CTSD: variants seen among roughly 807,000 people sequenced by gnomAD.
CTSD encodes the protein ceroid-lipofuscinosis, neuronal 10.
A neutral mutation model predicts 43.6 loss-of-function variants in CTSD; 28 were observed. The observed-to-expected ratio is 0.64, with a 90% CI of 0.48 to 0.88. The LOEUF (loss-of-function observed/expected upper bound fraction) is 0.88. CTSD is among the 40% of genes least tolerant of loss of function. The probability of loss-of-function intolerance (pLI) is 0.00; values close to 1 mark genes in which losing one functional copy is unlikely to be tolerated. For synonymous variants in CTSD, 270 were observed against 249.8 expected (o/e 1.08, Z -0.76); for missense variants, 485 against 555.2 (o/e 0.87, Z 1.27).
chr11:1,753,637 C>G lies in CTSD; in HGVS notation c.1105G>C (p.Gly369Arg), dbSNP rs1845755979. 1 of 1,612,960 alleles carries G rather than the reference C, an allele frequency of 6.2e-7. No homozygotes were observed. The highest frequency in any genetic ancestry group is 1.3e-5 in the African/African-American group (1 of 75,006). The change falls in exon 9 of 9, where the codon GGC becomes CGC. Residue 369 changes from glycine to arginine, a missense_variant. Physicochemically the swap from Gly to Arg is moderately radical, Grantham distance 125. Transcript: ENST00000236671. The part of the protein sequence containing the change: ...SQAGKTLCLS[G>R]FMGMDIPPPS... ...GGCGGGATGTCCATGCCCATGAAGC[C>G]GCTCAGGCAGAGGGTCTTCCCGGCC...
rs530324803 is a variant in CTSD at position 1,763,912 on chromosome 11, G to A, written c.-53C>T. 517 of 1,462,432 alleles carry A rather than the reference G, an allele frequency of 3.5e-4. 4 individuals are homozygous for A. The South Asian group carries it at 6.0e-3, about 17-fold the overall frequency. The allele number at this position is 1,462,432 out of a possible 1,614,324, so 90.6% of individuals were successfully genotyped here. A position where few individuals can be genotyped will look rare whatever the true frequency, so the allele number is the denominator to read the frequency against. On this transcript the variant is annotated 5_prime_UTR_variant, in exon 1 of 9. Transcript: ENST00000236671. ...CGCCGAGGCCGTGCGCTTATAGCCGGGATGACGCCGCAGTTGGGCCGGATC... is the reference window on the plus strand; with the variant it reads ...CGCCGAGGCCGTGCGCTTATAGCCGAGATGACGCCGCAGTTGGGCCGGATC...
chr11:1,753,401 C>T lies in CTSD; in HGVS notation c.*102G>A, dbSNP rs964859766. On this transcript the variant is annotated 3_prime_UTR_variant, in exon 9 of 9. Coordinates refer to ENST00000236671, the MANE Select transcript of CTSD (RefSeq NM_001909.5). ...CTTCCAGGGCGCCCAGGACAGTGGG[C>T]GGGCGAGTGTGTGGGTGTGTGTGGG... 39 of 1,419,504 alleles carry T rather than the reference C, an allele frequency of 2.7e-5. No homozygotes were observed. Among genetic ancestry groups the T allele is most frequent in the Non-Finnish European group, 3.4e-5 (34 of 1,008,350 alleles). 87.9% of individuals were successfully genotyped at this position (1,419,504 alleles called of 1,614,324 possible).
At chr11:1,755,053 C>T (rs1845793501) in intron 5 of CTSD, 25 bp from the exon 6 acceptor site, 20 of 1,613,234 alleles carry the variant, frequency 1.2e-5, no homozygotes, top group Non-Finnish European at 1.7e-5. Context: ...GAGGAGTCAG[C>T]TGCCACGCCA....
At chr11:1,756,691 G>A (rs1252900427) in intron 5 of CTSD, among the ~76,000 whole-genome samples, 2 of 151,388 alleles carry the variant, frequency 1.3e-5, no homozygotes. Flanking sequence ...TGAGTCCGAC[G>A]TCCCCTTCCC....
In CTSD at chr11:1,753,682, C is replaced by T; in HGVS notation, c.1072-12G>A. 6 of 1,612,538 alleles carry T rather than the reference C, an allele frequency of 3.7e-6. No homozygotes were observed. Among genetic ancestry groups the T allele is most frequent in the South Asian group, 1.1e-5 (1 of 91,064 alleles). ...CCGGCCTGCGACACCTGGGACGGCC[C>T]TGGTGGTCAGTACCCAGGCCTAGCA... is the stretch of plus-strand genomic sequence containing the variant. On this transcript the variant is annotated splice_polypyrimidine_tract_variant and intron_variant, in intron 8 of 8. Transcript: ENST00000236671.
intron 5 of CTSD, 101 bp from the exon 6 acceptor site, chr11:1,755,129 C>T (rs1845794695): frequency 3.5e-6 from 5 of 1,423,574 alleles, no homozygotes; most frequent in African/African-American, 1.4e-5. Context: ...GGAGAGCTTC[C>T]TGAAGGAGGG....
At chr11:1,757,047 G>A (rs1271139248) in intron 5 of CTSD, among the ~76,000 whole-genome samples, 2 of 152,218 alleles carry the variant, frequency 1.3e-5, no homozygotes, top group Non-Finnish European at 2.9e-5. Context: ...ATTCTCATAG[G>A]AGGGAGGCCC....
chr11:1,763,695 G>T, intron 1 of CTSD, 97 bp downstream of exon 1: 3 of 1,187,890 alleles, frequency 2.5e-6, no homozygotes, highest in Middle Eastern at 2.8e-4. Flanking sequence ...CAAGGGGCTC[G>T]TGGGGGCCAC....
rs1845915883 is a variant in CTSD, at chr11:1,763,918, C to T, written c.-59G>A. 40 of 1,442,744 alleles carry T rather than the reference C, an allele frequency of 2.8e-5. No individual in the cohort carries two copies. The South Asian group carries it at 4.8e-4, about 17-fold the overall frequency. 89.4% of individuals were successfully genotyped at this position (1,442,744 alleles called of 1,614,324 possible). ...GGCCGTGCGCTTATAGCCGGGATGA[C>T]GCCGCAGTTGGGCCGGATCAGCTGA... On this transcript the variant is annotated 5_prime_UTR_variant, in exon 1 of 9. Transcript: ENST00000236671.
intron 2 of CTSD, 67 bp downstream of exon 2, chr11:1,761,240 TCC>T: frequency 1.9e-6 from 3 of 1,569,664 alleles, no homozygotes; most frequent in South Asian, 2.2e-5. Flanking sequence ...GTGGGAATGT[TCC>T]CCATACTGCC....
chr11:1,754,752 G>A (rs1228071436), intron 6 of CTSD, 154 bp downstream of exon 6: 1 of 917,614 alleles, frequency 1.1e-6, no homozygotes, highest in South Asian at 1.4e-5. Context: ...GGCAAGGAGG[G>A]GCATGGAGGG....
chr11:1,754,291 G>C (rs1469433333), intron 6 of CTSD, 153 bp from the exon 7 acceptor site: 1 of 825,876 alleles, frequency 1.2e-6, no homozygotes, highest in Non-Finnish European at 1.9e-6. Context: ...CTCCAGGGAA[G>C]AGGGTGGGAG....
Position 1,759,643 on chromosome 11 carries a change from G to A in CTSD, c.229-4C>T, listed in dbSNP as rs1845851202. 2 of 1,611,850 alleles carry A rather than the reference G, an allele frequency of 1.2e-6. No individual in the cohort carries two copies. Among genetic ancestry groups the A allele is most frequent in the South Asian group, 1.1e-5 (1 of 91,046 alleles). ...CAATCTCCCCGTAGTACTGGGCCTG[G>A]CAGGGGACAGGGTCCGTCAGGGATG... On this transcript the variant is annotated splice_polypyrimidine_tract_variant and splice_region_variant and intron_variant, in intron 2 of 8. Coordinates refer to ENST00000236671, the MANE Select transcript of CTSD (RefSeq NM_001909.5).
At position 1,753,910 on chromosome 11, in the gene CTSD, G is replaced by A. The variant is rs771305068; in HGVS notation, c.973-9C>T. ...TCACAGGGGATCATGTACTAAGAGG[G>A]GTCACAGCAGTGTCAGGGTGGTAGT... On this transcript the variant is annotated splice_polypyrimidine_tract_variant and intron_variant, in intron 7 of 8. Transcript: ENST00000236671. The A allele has an allele frequency of 5.6e-6, 9 of 1,612,852 alleles. No homozygotes were observed. The African/African-American group carries it at 6.7e-5, about 12-fold the overall frequency.
intron 4 of CTSD, chr11:1,758,085 G>GGGGCGGAGGGGGCAGAAGA (rs1429034881): frequency 9.7e-6 from 2 of 205,180 alleles, no homozygotes; most frequent in Admixed American, 1.1e-4. Context: ...AGGCTGACAC[G>GGGGCGGAGGGGGCAGAAGA]GGGCGGAGGG....
intron 5 of CTSD, 67 bp from the exon 6 acceptor site, chr11:1,755,095 T>C (rs1178642963): frequency 1.2e-5 from 19 of 1,597,250 alleles, no homozygotes; most frequent in Non-Finnish European, 1.3e-5. Flanking sequence ...AGGTCAGGAG[T>C]AAGAGGGTGA....
chr11:1,762,711 T>C (rs1458546056), intron 1 of CTSD, among the ~76,000 whole-genome samples: 1 of 152,146 alleles, frequency 6.6e-6, no homozygotes, highest in Admixed American at 6.5e-5. Flanking sequence ...CCCAGGATCG[T>C]TTCCCCTCTG....
intron 8 of CTSD, 52 bp from the exon 9 acceptor site, chr11:1,753,722 A>C (rs890262065): frequency 7.5e-6 from 12 of 1,605,432 alleles, no homozygotes; most frequent in African/African-American, 4.1e-5. Context: ...CCGCCCCCCC[A>C]CCTGTTGCCC....
In CTSD at chr11:1,761,298, C is replaced by A. The variant is rs760547300; in HGVS notation, c.228+11G>T. On this transcript the variant is annotated intron_variant, in intron 2 of 8. Transcript: ENST00000236671. ...GCTCCGCTTGCAGCAGGGCTAAGAC[C>A]TCATACTCACGTCCATGTAGTTCTT... The A allele has an allele frequency of 6.2e-7, 1 of 1,613,604 alleles. No homozygotes were observed. Among genetic ancestry groups the A allele is most frequent in the South Asian group, 1.1e-5 (1 of 91,088 alleles).
Sources: gnomAD v4.1 joint callset for allele counts (sites outside exome capture counted in the v4.1 genomes callset) on GRCh38, gnomAD v4.1.1 for gene constraint, MANE v1.5 for transcripts, NCBI Gene and HGNC (gene_info 2026-07-23, HGNC 2026-07-21) for gene names.